Variants in DSCAM observed in about 807,000 individuals in gnomAD.
DSCAM encodes cell adhesion molecule DSCAM.
In DSCAM, 47 loss-of-function variants were observed where a neutral mutation model predicts 217.7. That is an observed-to-expected ratio of 0.22 (90% CI 0.17 to 0.28). The LOEUF (loss-of-function observed/expected upper bound fraction) is 0.28, where lower values mean the gene tolerates loss of function less well. DSCAM is among the 10% of genes least tolerant of loss of function. The pLI is 1.00. For synonymous variants in DSCAM, 1,056 were observed against 1,015.3 expected (o/e 1.04, Z -0.76); for missense variants, 2,080 against 2,618.3 (o/e 0.79, Z 4.49).
intron 3 of DSCAM, among the ~76,000 whole-genome samples, chr21:40,520,495 C>T (rs1029844974): frequency 2.6e-5 from 4 of 152,012 alleles, no homozygotes; most frequent in African/African-American, 4.8e-5. Context: ...CAAACACTAA[C>T]GTGAGAATGG....
In DSCAM at chr21:40,558,086, C is replaced by T. The variant is rs527431483; in HGVS notation, c.508+134724G>A. Among the ~76,000 whole-genome samples the T allele has an allele frequency of 6.6e-5, 10 of 152,248 alleles. No individual in the cohort carries two copies. In the East Asian group the frequency reaches 9.6e-4, roughly 15 times the overall value. On this transcript the variant is annotated intron_variant, in intron 3 of 32. Transcript: ENST00000400454. ...TCCATAACTAGTATCCAAGGATCATCGGTAAATTAGTTTCCATGTCTTTCA... is the reference window on the plus strand; with the variant it reads ...TCCATAACTAGTATCCAAGGATCATTGGTAAATTAGTTTCCATGTCTTTCA...
intron 1 of DSCAM, among the ~76,000 whole-genome samples, chr21:40,821,419 C>A (rs543454208): frequency 6.8e-6 from 1 of 147,608 alleles, no homozygotes; most frequent in Non-Finnish European, 1.5e-5. Context: ...ACACACACAC[C>A]CCACAGCAGT....
chr21:40,540,440 C>T (rs1437506073), intron 3 of DSCAM, among the ~76,000 whole-genome samples: 1 of 152,140 alleles, frequency 6.6e-6, no homozygotes, highest in Non-Finnish European at 1.5e-5. Flanking sequence ...TACGTCCCTC[C>T]ATGCCCCTCC....
chr21:40,581,355 T>C (rs951569724), intron 3 of DSCAM, among the ~76,000 whole-genome samples: 7 of 152,168 alleles, frequency 4.6e-5, no homozygotes, highest in Admixed American at 3.3e-4. Context: ...CCTAGGACCT[T>C]TTATAAATCT....
Position 40,517,029 on chromosome 21 carries a change from G to GTA in DSCAM, c.509-147786_509-147785dup, listed in dbSNP as rs772144832. 4.7e-3 allele frequency among the ~76,000 whole-genome samples: 658 copies of GTA among 139,930 alleles called. 2 individuals carry two copies. Among genetic ancestry groups the GTA allele is most frequent in the African/African-American group, 6.2e-3 (236 of 37,866 alleles). The allele number at this position is 139,930 out of a possible 152,430, so 91.8% of individuals were successfully genotyped here. A position where few individuals can be genotyped will look rare whatever the true frequency, so the allele number is the denominator to read the frequency against. Reference sequence around the variant, plus strand: ...ATATATACCTTACATACTAACATATGTATATATATATATACCTTATATACT... The same window carrying GTA: ...ATATATACCTTACATACTAACATATGTATATATATATATATACCTTATATACT... On this transcript the variant is annotated intron_variant, in intron 3 of 32. Transcript: ENST00000400454.
intron 1 of DSCAM, among the ~76,000 whole-genome samples, chr21:40,844,551 T>C (rs757209863): frequency 3.3e-5 from 5 of 152,258 alleles, no homozygotes; most frequent in Admixed American, 6.5e-5. Flanking sequence ...CAGTTGATTT[T>C]AAAAGTCTTG....
chr21:40,813,421 C>T (rs965331365), intron 1 of DSCAM, among the ~76,000 whole-genome samples: 3 of 152,066 alleles, frequency 2.0e-5, no homozygotes, highest in Non-Finnish European at 4.4e-5. Context: ...CACTTTCAGG[C>T]TTTGGGATGT....
intron 11 of DSCAM, among the ~76,000 whole-genome samples, chr21:40,246,957 G>T (rs1011163812): frequency 2.0e-5 from 3 of 152,148 alleles, no homozygotes; most frequent in Non-Finnish European, 2.9e-5. Context: ...CCATATGGCT[G>T]GGGAGGTCTC....
Position 40,328,631 on chromosome 21 carries a change from T to A in DSCAM, c.1783+9470A>T, listed in dbSNP as rs537353614. Among the ~76,000 whole-genome samples, 5 of 152,078 alleles carry A rather than the reference T, an allele frequency of 3.3e-5. No individual in the cohort carries two copies. The East Asian group carries it at 9.7e-4, about 29-fold the overall frequency. ...GACAACAAACGCAAAAATAGAACAA[T>A]GGGATTACATCAAACTAAAAAAACT... On this transcript the variant is annotated intron_variant, in intron 8 of 32. Coordinates refer to ENST00000400454, the MANE Select transcript of DSCAM (RefSeq NM_001389.5).
chr21:40,813,170 G>T (rs1159483721), intron 1 of DSCAM, among the ~76,000 whole-genome samples: 2 of 152,188 alleles, frequency 1.3e-5, no homozygotes, highest in Non-Finnish European at 2.9e-5. Flanking sequence ...TAGAGATGAT[G>T]ATTGATAACG....
intron 2 of DSCAM, among the ~76,000 whole-genome samples, chr21:40,708,123 GA>G (rs58415475): frequency 0.19 from 28,958 of 151,888 alleles, 3,325 homozygotes; most frequent in African/African-American, 0.32. Flanking sequence ...GGGCAAGTGG[GA>G]AAAAAGGAGG....
intron 11 of DSCAM, among the ~76,000 whole-genome samples, chr21:40,198,276 C>CG (rs2091036520): frequency 6.6e-6 from 1 of 151,998 alleles, no homozygotes; most frequent in African/African-American, 2.4e-5. Context: ...TCTGTGGTCT[C>CG]CCTCTCTCCC....
intron 1 of DSCAM, among the ~76,000 whole-genome samples, chr21:40,727,423 T>C (rs1384317709): frequency 2.6e-5 from 4 of 152,204 alleles, no homozygotes; most frequent in African/African-American, 9.6e-5. Context: ...ACATAAGGTA[T>C]ACTCAAAAAT....
chr21:40,047,680 G>A (rs2146488775), intron 30 of DSCAM, among the ~76,000 whole-genome samples: 1 of 152,288 alleles, frequency 6.6e-6, no homozygotes, highest in Non-Finnish European at 1.5e-5. Flanking sequence ...CAGTTGTGGA[G>A]GTCCAGCTTT....
rs1040362241 is a variant in DSCAM at position 40,115,308 on chromosome 21, G to A, written c.3696+8887C>T. Among the ~76,000 whole-genome samples the A allele has an allele frequency of 1.9e-4, 29 of 152,066 alleles. No individual in the cohort carries two copies. In the East Asian group the frequency reaches 2.3e-3, roughly 12 times the overall value. On this transcript the variant is annotated intron_variant, in intron 20 of 32. Coordinates refer to ENST00000400454, the MANE Select transcript of DSCAM (RefSeq NM_001389.5). ...AAACCATCATTCTGAGCAAACTATC[G>A]CAAGGAGAAAAAACCAAACGCCGCA...
chr21:40,705,421 G>A (rs907666953), intron 2 of DSCAM, among the ~76,000 whole-genome samples: 1 of 150,988 alleles, frequency 6.6e-6, no homozygotes, highest in African/African-American at 2.4e-5. Flanking sequence ...TTTTTTTTCA[G>A]TTGGTTGTAT....
chr21:40,039,128 T>G (rs2088691105), intron 32 of DSCAM, among the ~76,000 whole-genome samples: 2 of 151,932 alleles, frequency 1.3e-5, no homozygotes, highest in African/African-American at 4.8e-5. Context: ...GTAACTAACC[T>G]GCACAATATG....
chr21:40,754,341 C>T, intron 1 of DSCAM, among the ~76,000 whole-genome samples: 1 of 152,290 alleles, frequency 6.6e-6, no homozygotes, highest in African/African-American at 2.4e-5. Flanking sequence ...CCTTCAGAAT[C>T]CCCCAGAAGG....
chr21:40,128,833 G>T (rs1357278444), intron 19 of DSCAM, among the ~76,000 whole-genome samples: 1 of 152,082 alleles, frequency 6.6e-6, no homozygotes, highest in African/African-American at 2.4e-5. Context: ...AACCAGACCT[G>T]GATGCCTGAC....
Sources: allele counts gnomAD v4.1 joint callset (sites outside exome capture counted in the v4.1 genomes callset), GRCh38; gene constraint gnomAD v4.1.1; transcripts MANE v1.5; gene names NCBI Gene and HGNC (gene_info 2026-07-23, HGNC 2026-07-21).